Variants in CDH4 observed in about 807,000 individuals in gnomAD.
The protein encoded by CDH4 is cadherin-4.
CDH4 carries 33 observed loss-of-function variants against 86.0 expected under a neutral mutation model. That is an observed-to-expected ratio of 0.38 (90% CI 0.29 to 0.51). CDH4 has a LOEUF of 0.51. Ranked by LOEUF, CDH4 falls within the 20% of genes least tolerant of loss-of-function variation. CDH4 has a pLI of 0.86. For missense variants in CDH4, 1,114 were observed against 1,307.4 expected, an observed-to-expected ratio of 0.85 and a Z score of 2.28; for synonymous variants, 555 against 549.4, an observed-to-expected ratio of 1.01 and a Z score of -0.14.
At chr20:61,356,138 C>T (rs1037961174) in intron 2 of CDH4, among the ~76,000 whole-genome samples, 1 of 152,214 alleles carries the variant, frequency 6.6e-6, no homozygotes, top group African/African-American at 2.4e-5. Context: ...CACTGGGCAT[C>T]AGGCAATGTG....
intron 8 of CDH4, among the ~76,000 whole-genome samples, chr20:61,904,109 TGA>T (rs2054761286): frequency 6.6e-6 from 1 of 152,214 alleles, no homozygotes; most frequent in South Asian, 2.1e-4. Flanking sequence ...CAGCCAGTCC[TGA>T]GAGTATGGGC....
chr20:61,512,677 C>G (rs893194311), intron 2 of CDH4, among the ~76,000 whole-genome samples: 1 of 152,200 alleles, frequency 6.6e-6, no homozygotes, highest in African/African-American at 2.4e-5. Context: ...GCAGCGTTTC[C>G]AGGACTCACC....
chr20:61,281,439 C>T (rs867171280), intron 2 of CDH4, among the ~76,000 whole-genome samples: 3 of 152,226 alleles, frequency 2.0e-5, no homozygotes, highest in East Asian at 1.9e-4. Context: ...TCACCAGACA[C>T]GGAACCTGCC....
intron 2 of CDH4, among the ~76,000 whole-genome samples, chr20:61,439,309 C>A (rs1246216452): frequency 7.7e-6 from 1 of 129,664 alleles, no homozygotes; most frequent in Admixed American, 7.6e-5. Context: ...ACAAAACAAA[C>A]CCCTCAAAGC....
At chr20:61,847,174 C>T (rs6142875) in intron 5 of CDH4, among the ~76,000 whole-genome samples, 71,396 of 152,122 alleles carry the variant, frequency 0.47, 17,363 homozygotes, top group East Asian at 0.61. Flanking sequence ...AGGCAGCCTT[C>T]GCATTCCCAC....
chr20:61,594,412 C>T (rs1408577455), intron 2 of CDH4, among the ~76,000 whole-genome samples: 1 of 152,142 alleles, frequency 6.6e-6, no homozygotes, highest in East Asian at 1.9e-4. Context: ...CCCACCGGGC[C>T]CACCTGGGTC....
intron 2 of CDH4, among the ~76,000 whole-genome samples, chr20:61,314,203 G>A (rs1229346345): frequency 6.6e-5 from 10 of 152,176 alleles, no homozygotes; most frequent in Admixed American, 6.5e-4. Context: ...TCTCTGAGCT[G>A]TACCTTAGAT....
chr20:61,398,132 A>G (rs572985215), intron 2 of CDH4, among the ~76,000 whole-genome samples: 3 of 152,348 alleles, frequency 2.0e-5, no homozygotes, highest in East Asian at 1.9e-4. Context: ...TTAGAATTGA[A>G]TGAGCATTCA....
chr20:61,589,952 G>A (rs992224808), intron 2 of CDH4, among the ~76,000 whole-genome samples: 4 of 151,926 alleles, frequency 2.6e-5, no homozygotes, highest in Admixed American at 6.5e-5. Context: ...GAGAGGGGGC[G>A]GCCAGGAGGC....
rs184860372 is a variant in CDH4 at position 61,540,925 on chromosome 20, C to T, written c.170-202638C>T. Reference sequence around the variant, plus strand: ...GCCATTTGGTTACAAACTCCCCCTGCGACCCCATAAGCTGTTCAAGCCCGT... The same window carrying T: ...GCCATTTGGTTACAAACTCCCCCTGTGACCCCATAAGCTGTTCAAGCCCGT... On this transcript the variant is annotated intron_variant, in intron 2 of 15. Coordinates refer to ENST00000614565, the MANE Select transcript of CDH4 (RefSeq NM_001794.5). Among the ~76,000 whole-genome samples, 289 of 152,128 alleles carry T rather than the reference C, an allele frequency of 1.9e-3. 2 individuals are homozygous for T. Among genetic ancestry groups the T allele is most frequent in the South Asian group, 3.6e-3 (17 of 4,786 alleles).
intron 2 of CDH4, among the ~76,000 whole-genome samples, chr20:61,312,454 A>G (rs903294272): frequency 6.6e-6 from 1 of 152,014 alleles, no homozygotes; most frequent in East Asian, 1.9e-4. Context: ...CTTGGTGATC[A>G]TGGGCCCTGC....
At chr20:61,591,553 A>G (rs951323742) in intron 2 of CDH4, among the ~76,000 whole-genome samples, 1 of 151,690 alleles carries the variant, frequency 6.6e-6, no homozygotes, top group African/African-American at 2.4e-5. Context: ...AGGGAGGGTC[A>G]TTTTAATCTC....
chr20:61,688,248 T>C lies in CDH4; in HGVS notation c.170-55315T>C, dbSNP rs2087610798. On this transcript the variant is annotated intron_variant, in intron 2 of 15. Transcript: ENST00000614565. ...ACCACCATTAAATTGAGCAATACCA[T>C]GCAAATAGCTGCCAGATCAAGGGAA... Among the ~76,000 whole-genome samples the C allele has an allele frequency of 3.3e-5, 5 of 152,044 alleles. No homozygotes were observed. The South Asian group carries it at 1.0e-3, about 32-fold the overall frequency.
intron 4 of CDH4, among the ~76,000 whole-genome samples, chr20:61,817,512 T>G (rs1326706505): frequency 6.6e-6 from 1 of 152,170 alleles, no homozygotes; most frequent in Non-Finnish European, 1.5e-5. Flanking sequence ...TTTTTATTTT[T>G]ATTTTTTTAA....
chr20:61,569,570 C>T (rs1325645833), intron 2 of CDH4, among the ~76,000 whole-genome samples: 2 of 152,114 alleles, frequency 1.3e-5, no homozygotes, highest in East Asian at 1.9e-4. Flanking sequence ...CATGTATTTC[C>T]TAAGAATGGG....
chr20:61,731,004 A>AG (rs774478857), intron 2 of CDH4, among the ~76,000 whole-genome samples: 2 of 151,534 alleles, frequency 1.3e-5, no homozygotes, highest in Non-Finnish European at 2.9e-5. Flanking sequence ...GGAGCAGCTG[A>AG]GGGGGTCTCA....
At chr20:61,903,146 A>C (rs1325487539) in intron 8 of CDH4, among the ~76,000 whole-genome samples, 1 of 152,066 alleles carries the variant, frequency 6.6e-6, no homozygotes, top group African/African-American at 2.4e-5. Flanking sequence ...TCATTCATTC[A>C]TTATTTCACC....
chr20:61,407,222 A>G (rs1309466656), intron 2 of CDH4, among the ~76,000 whole-genome samples: 1 of 152,256 alleles, frequency 6.6e-6, no homozygotes, highest in Non-Finnish European at 1.5e-5. Flanking sequence ...TGCTGCTTCT[A>G]GAACAGTTTC....
At chr20:61,904,927 G>A (rs924669905) in intron 8 of CDH4, among the ~76,000 whole-genome samples, 2 of 152,236 alleles carry the variant, frequency 1.3e-5, no homozygotes, top group African/African-American at 4.8e-5. Flanking sequence ...AACACCGGCT[G>A]TGCTGCAGGG....
Sources: allele counts gnomAD v4.1 joint callset (sites outside exome capture counted in the v4.1 genomes callset), GRCh38; gene constraint gnomAD v4.1.1; transcripts MANE v1.5; gene names NCBI Gene and HGNC (gene_info 2026-07-23, HGNC 2026-07-21).